C7orf78: variants seen among roughly 807,000 people sequenced by gnomAD.
C7orf78 encodes the protein chromosome 7 open reading frame 78, also known as putative uncharacterized protein C7orf78.
chr7:12,485,095 A>C, the C7orf78 span, among the ~76,000 whole-genome samples: 1 of 149,644 alleles, frequency 6.7e-6, no homozygotes, highest in Non-Finnish European at 1.5e-5. Flanking sequence ...TGAAATCCAA[A>C]TTATAATTTG....
chr7:12,519,216 G>A, the C7orf78 span, among the ~76,000 whole-genome samples: 8 of 152,280 alleles, frequency 5.3e-5, no homozygotes, highest in Admixed American at 5.2e-4. Context: ...AGCTGCAACA[G>A]CACCATGCAG....
chr7:12,505,204 C>A, the C7orf78 span, among the ~76,000 whole-genome samples: 1 of 151,588 alleles, frequency 6.6e-6, no homozygotes, highest in South Asian at 2.1e-4. Flanking sequence ...TTTCAAAAGG[C>A]GAATATAATT....
At chr7:12,537,652 T>C in the C7orf78 span, among the ~76,000 whole-genome samples, 1 of 152,186 alleles carries the variant, frequency 6.6e-6, no homozygotes, top group African/African-American at 2.4e-5. Context: ...ATAAGATATA[T>C]TTGTATGCAC....
chr7:12,503,406 T>C, the C7orf78 span, among the ~76,000 whole-genome samples: 1 of 152,186 alleles, frequency 6.6e-6, no homozygotes, highest in East Asian at 1.9e-4. Context: ...TCTTATCTTT[T>C]GGGGGTAACA....
chr7:12,495,138 G>C, the C7orf78 span, among the ~76,000 whole-genome samples: 1 of 152,134 alleles, frequency 6.6e-6, no homozygotes, highest in East Asian at 1.9e-4. Context: ...AGAGTGTCCT[G>C]GGCCTGGTCA....
the C7orf78 span, among the ~76,000 whole-genome samples, chr7:12,489,130 A>T: frequency 4.6e-5 from 7 of 152,132 alleles, no homozygotes; most frequent in Non-Finnish European, 1.5e-5. Flanking sequence ...TATCATTTTC[A>T]TAATGGCTTG....
the C7orf78 span, chr7:12,491,795 G>C: frequency 1.3e-5 from 2 of 152,146 alleles, no homozygotes; most frequent in African/African-American, 4.8e-5. Context: ...ATTAAAAACA[G>C]TGATAACATT....
the C7orf78 span, among the ~76,000 whole-genome samples, chr7:12,519,138 AG>A: frequency 4.6e-5 from 7 of 152,074 alleles, no homozygotes; most frequent in Non-Finnish European, 1.0e-4. Context: ...ACCATACTGC[AG>A]GGGGACAGGG....
At chr7:12,535,253 G>A in the C7orf78 span, among the ~76,000 whole-genome samples, 1 of 152,132 alleles carries the variant, frequency 6.6e-6, no homozygotes, top group East Asian at 1.9e-4. Flanking sequence ...GAGGTTTATT[G>A]GACTTACAGT....
chr7:12,513,534 G>C, the C7orf78 span, among the ~76,000 whole-genome samples: 1 of 152,012 alleles, frequency 6.6e-6, no homozygotes, highest in Admixed American at 6.6e-5. Context: ...ATTTTGTTTA[G>C]TTTCCATGTA....
At chr7:12,508,011 C>A in the C7orf78 span, among the ~76,000 whole-genome samples, 1 of 152,152 alleles carries the variant, frequency 6.6e-6, no homozygotes, top group African/African-American at 2.4e-5. Context: ...TAATTTTAAT[C>A]TCAGTCTACA....
chr7:12,507,259 G>T, the C7orf78 span: 1 of 142,086 alleles, frequency 7.0e-6, no homozygotes, highest in East Asian at 2.2e-4. Flanking sequence ...AGTGAGCCAA[G>T]ATCGTGCCAC....
chr7:12,536,783 C>A, the C7orf78 span, among the ~76,000 whole-genome samples: 2 of 152,156 alleles, frequency 1.3e-5, no homozygotes, highest in African/African-American at 4.8e-5. Flanking sequence ...CTCTCAAGTT[C>A]AAAGTTCCAC....
the C7orf78 span, among the ~76,000 whole-genome samples, chr7:12,516,409 G>T: frequency 2.0e-5 from 3 of 152,226 alleles, no homozygotes; most frequent in East Asian, 1.9e-4. Flanking sequence ...TTTGCTGCAG[G>T]AGCGGGGCAC....
the C7orf78 span, among the ~76,000 whole-genome samples, chr7:12,486,228 T>C: frequency 5.9e-5 from 9 of 152,074 alleles, no homozygotes; most frequent in East Asian, 1.2e-3. Flanking sequence ...GGAATAGTTA[T>C]GGTGTAATAG....
the C7orf78 span, among the ~76,000 whole-genome samples, chr7:12,536,083 C>A: frequency 6.6e-6 from 1 of 152,334 alleles, no homozygotes; most frequent in South Asian, 2.1e-4. Flanking sequence ...CTTTTCACAG[C>A]TCCAATAGTT....
the C7orf78 span, among the ~76,000 whole-genome samples, chr7:12,493,813 T>TG: frequency 1.3e-5 from 2 of 152,238 alleles, no homozygotes; most frequent in South Asian, 2.1e-4. Context: ...GAACAGTGCC[T>TG]GGTCCACAGC....
chr7:12,505,548 C>G, the C7orf78 span, among the ~76,000 whole-genome samples: 1 of 152,102 alleles, frequency 6.6e-6, no homozygotes, highest in Non-Finnish European at 1.5e-5. Context: ...AATATACTAT[C>G]TTAGGTGGAG....
At chr7:12,486,301 G>T in the C7orf78 span, among the ~76,000 whole-genome samples, 8 of 152,050 alleles carry the variant, frequency 5.3e-5, no homozygotes, top group Admixed American at 3.3e-4. Context: ...TCCATGTAAA[G>T]TTCTATAGTT....
Sources: allele counts gnomAD v4.1 joint callset (sites outside exome capture counted in the v4.1 genomes callset), GRCh38; gene constraint gnomAD v4.1.1; transcripts MANE v1.5; gene names NCBI Gene and HGNC (gene_info 2026-07-23, HGNC 2026-07-21).